DUS2: variants seen among roughly 807,000 people sequenced by gnomAD.
DUS2 encodes the protein dihydrouridine synthase 2.
Under a neutral mutation model 71.3 loss-of-function variants are expected in DUS2, and 52 were observed. That is an observed-to-expected ratio of 0.73 (90% confidence interval 0.58 to 0.92). The LOEUF is 0.92. Among genes scored for constraint, DUS2 ranks in the 40% least tolerant of loss-of-function variants. DUS2 has a pLI of 0.00. For synonymous variants in DUS2, 204 were observed against 227.8 expected (o/e 0.90, Z 0.94); for missense variants, 558 against 622.6 (o/e 0.90, Z 1.10).
intron 12 of DUS2, among the ~76,000 whole-genome samples, chr16:68,071,788 C>T (rs1188298545): frequency 2.0e-5 from 3 of 152,056 alleles, no homozygotes; most frequent in African/African-American, 4.8e-5. Flanking sequence ...CAGGCATGTG[C>T]CACAACACTC....
intron 3 of DUS2, among the ~76,000 whole-genome samples, chr16:68,043,668 CT>C (rs1381510863): frequency 1.3e-5 from 2 of 152,034 alleles, no homozygotes; most frequent in African/African-American, 4.8e-5. Context: ...GAAATAATTT[CT>C]TTTCTTTTTT....
intron 8 of DUS2, 93 bp from the exon 9 acceptor site, chr16:68,066,224 G>T: frequency 8.7e-7 from 1 of 1,154,288 alleles, no homozygotes; most frequent in South Asian, 1.2e-5. Context: ...TCATGCCACC[G>T]GAATGCACAG....
At chr16:68,041,963 C>T (rs745703811) in intron 3 of DUS2, among the ~76,000 whole-genome samples, 4 of 152,022 alleles carry the variant, frequency 2.6e-5, no homozygotes, top group Non-Finnish European at 4.4e-5. Context: ...AACAGACCTC[C>T]GGAACTTTTT....
chr16:68,035,555 TA>T (rs759945543), intron 2 of DUS2, among the ~76,000 whole-genome samples: 1 of 151,670 alleles, frequency 6.6e-6, no homozygotes, highest in Admixed American at 6.6e-5. Flanking sequence ...GGTAATTAAA[TA>T]AAATTTTTTT....
chr16:68,073,449 C>CTTTTTTT (rs1213508148), intron 12 of DUS2, among the ~76,000 whole-genome samples: 7 of 111,836 alleles, frequency 6.3e-5, no homozygotes, highest in African/African-American at 9.9e-5. Flanking sequence ...TTTTCTTTTT[C>CTTTTTTT]TTTTTTTTTT....
chr16:68,031,200 G>A (rs374328513), intron 2 of DUS2, among the ~76,000 whole-genome samples: 2 of 151,928 alleles, frequency 1.3e-5, no homozygotes, highest in Admixed American at 1.3e-4. Context: ...GATGAGTCTC[G>A]CTCTGTCACC....
At chr16:68,038,200 C>T (rs915474763) in intron 3 of DUS2, 51 bp downstream of exon 3, 9 of 1,604,826 alleles carry the variant, frequency 5.6e-6, no homozygotes, top group African/African-American at 1.3e-5. Flanking sequence ...ACAGACTCCT[C>T]TTCATTTGTG....
intron 1 of DUS2, among the ~76,000 whole-genome samples, chr16:68,024,157 C>T (rs1289847642): frequency 1.4e-5 from 2 of 146,260 alleles, no homozygotes; most frequent in Non-Finnish European, 3.0e-5. Flanking sequence ...AGTGCAGTGG[C>T]GCAATCTCGG....
intron 9 of DUS2, 65 bp from the exon 10 acceptor site, chr16:68,066,501 T>C: frequency 6.3e-7 from 1 of 1,595,538 alleles, no homozygotes; most frequent in Non-Finnish European, 8.6e-7. Flanking sequence ...CTGAGCCTAC[T>C]TTAGGAGGCA....
chr16:68,046,120 G>A (rs1431066776), intron 3 of DUS2, among the ~76,000 whole-genome samples: 1 of 152,144 alleles, frequency 6.6e-6, no homozygotes, highest in Non-Finnish European at 1.5e-5. Flanking sequence ...GATGCTGAGG[G>A]TTTGGCTTCT....
intron 3 of DUS2, among the ~76,000 whole-genome samples, chr16:68,046,887 C>T (rs964755699): frequency 6.6e-6 from 1 of 151,852 alleles, no homozygotes; most frequent in Non-Finnish European, 1.5e-5. Context: ...GCTGGGACTA[C>T]AGGCGTCTGC....
intron 14 of DUS2, 61 bp downstream of exon 14, chr16:68,075,565 C>T (rs2034145718): frequency 6.6e-7 from 1 of 1,505,166 alleles, no homozygotes; most frequent in Non-Finnish European, 9.0e-7. Flanking sequence ...TCCCACTGGG[C>T]CAGCACACTG....
At chr16:68,050,439 C>A (rs2033762831) in intron 4 of DUS2, among the ~76,000 whole-genome samples, 1 of 151,974 alleles carries the variant, frequency 6.6e-6, no homozygotes, top group Non-Finnish European at 1.5e-5. Flanking sequence ...CCTGGCCGAA[C>A]TATTTTAAAT....
intron 2 of DUS2, among the ~76,000 whole-genome samples, chr16:68,025,929 G>T (rs2033342330): frequency 1.3e-5 from 2 of 152,104 alleles, no homozygotes; most frequent in African/African-American, 2.4e-5. Flanking sequence ...CATGTGCCAG[G>T]CATTGGTAGT....
intron 2 of DUS2, among the ~76,000 whole-genome samples, chr16:68,037,055 T>C (rs1424436471): frequency 6.6e-6 from 1 of 152,122 alleles, no homozygotes. Context: ...TGCTTTTTGT[T>C]TTTTTGCCTA....
intron 3 of DUS2, among the ~76,000 whole-genome samples, chr16:68,049,132 C>T (rs559184884): frequency 1.3e-4 from 20 of 152,280 alleles, no homozygotes; most frequent in South Asian, 4.1e-4. Flanking sequence ...CCCTTCACTG[C>T]CTGCCCTTTG....
chr16:68,047,231 T>C lies in DUS2; in HGVS notation c.127-2274T>C, dbSNP rs1365504675. Among the ~76,000 whole-genome samples, 3 of 150,324 alleles carry C rather than the reference T, an allele frequency of 2.0e-5. No individual in the cohort carries two copies. In the East Asian group the frequency reaches 5.9e-4, roughly 29 times the overall value. Reference sequence around the variant, plus strand: ...CCACCACGCCTGACTAATTTTTGTATTTTTAGTAGAGATGGAGTTTCACCA... The same window carrying C: ...CCACCACGCCTGACTAATTTTTGTACTTTTAGTAGAGATGGAGTTTCACCA... On this transcript the variant is annotated intron_variant, in intron 3 of 16. Transcript: ENST00000565263.
In DUS2 at chr16:68,053,572, A is replaced by C; in HGVS notation, c.181A>C (p.Ser61Arg). The C allele has an allele frequency of 6.2e-7, 1 of 1,614,234 alleles. No individual in the cohort carries two copies. Residue 61 changes from serine (S) to arginine (R), a missense_variant, in exon 5 of 17, where the codon AGC (serine) becomes CGC (arginine). Ser to Arg is a moderately radical substitution (Grantham distance 110). Coordinates refer to ENST00000565263, the MANE Select transcript of DUS2 (RefSeq NM_017803.5). ...TTTGGGTTTTCTTGCAGAGGTGCTC[A>C]GCACAGTGGACTTTGTCGCCCCTGA... ...QCKRVVNEVL[S>R]TVDFVAPDDR...
intron 11 of DUS2, 89 bp downstream of exon 11, chr16:68,070,309 G>GT (rs2034066421): frequency 7.7e-7 from 1 of 1,292,880 alleles, no homozygotes; most frequent in East Asian, 2.3e-5. Context: ...AGAGTGAAAA[G>GT]TTTTAGGGGT....
Sources: allele counts gnomAD v4.1 joint callset (sites outside exome capture counted in the v4.1 genomes callset), GRCh38; gene constraint gnomAD v4.1.1; transcripts MANE v1.5; gene names NCBI Gene and HGNC (gene_info 2026-07-23, HGNC 2026-07-21).